CDH13: variants seen among roughly 807,000 people sequenced by gnomAD.
CDH13 encodes cadherin-13.
CDH13 carries 24 observed loss-of-function variants against 63.8 expected under a neutral mutation model. That is an observed-to-expected ratio of 0.38 (90% CI 0.27 to 0.53). The LOEUF is 0.53. Among genes scored for constraint, CDH13 ranks in the 20% least tolerant of loss-of-function variants. The pLI, the probability that CDH13 is intolerant of heterozygous loss-of-function variation, is 0.85. For synonymous variants in CDH13, 503 were observed against 355.3 expected, an observed-to-expected ratio of 1.42 and a Z score of -4.67; for missense variants, 1,049 against 903.1, an observed-to-expected ratio of 1.16 and a Z score of -2.07.
At chr16:82,761,685 T>G (rs2151084730) in intron 1 of CDH13, among the ~76,000 whole-genome samples, 1 of 152,348 alleles carries the variant, frequency 6.6e-6, no homozygotes, top group South Asian at 2.1e-4. Context: ...GTTTCATATC[T>G]CAACAACTTC....
At chr16:83,294,857 AT>A (rs760049620) in intron 5 of CDH13, among the ~76,000 whole-genome samples, 33 of 152,154 alleles carry the variant, frequency 2.2e-4, no homozygotes, top group Non-Finnish European at 4.1e-4. Flanking sequence ...CAATGACATT[AT>A]TCACAGAACT....
At chr16:83,028,351 G>A (rs79764367) in intron 2 of CDH13, among the ~76,000 whole-genome samples, 7,243 of 152,292 alleles carry the variant, frequency 0.048, 240 homozygotes, top group Middle Eastern at 0.071. Flanking sequence ...GAACCGCAGG[G>A]TCCTGAGAGT....
At chr16:82,766,785 T>C (rs2035071148) in intron 1 of CDH13, among the ~76,000 whole-genome samples, 1 of 152,216 alleles carries the variant, frequency 6.6e-6, no homozygotes, top group Non-Finnish European at 1.5e-5. Context: ...TGAGATGTCC[T>C]TTGACTATAT....
chr16:83,215,667 C>A (rs926695616), intron 4 of CDH13, among the ~76,000 whole-genome samples: 1 of 151,810 alleles, frequency 6.6e-6, no homozygotes, highest in African/African-American at 2.4e-5. Flanking sequence ...AGGGGGCGGG[C>A]AGGACCCATT....
chr16:83,217,388 C>T lies in CDH13; in HGVS notation c.527C>T (p.Thr176Ile), dbSNP rs2039567927. ...DRPERSKFRL[T>I]GKGVDQEPKG... ...CCAGAAAGGTCCAAGTTCCGGCTCA[C>T]TGGAAAGGGAGTGGATCAAGAGCCT... Residue 176 changes from threonine to isoleucine, a missense_variant, in exon 5 of 14, where the codon ACT becomes ATT. Thr to Ile is a moderately conservative substitution (Grantham distance 89). Transcript: ENST00000567109. 1 of 1,613,776 alleles carries T rather than the reference C, an allele frequency of 6.2e-7. No homozygotes were observed. The highest frequency in any genetic ancestry group is 1.3e-5 in the African/African-American group (1 of 74,902).
intron 1 of CDH13, among the ~76,000 whole-genome samples, chr16:82,633,030 G>A (rs1015452895): frequency 2.0e-5 from 3 of 152,186 alleles, no homozygotes; most frequent in Admixed American, 2.0e-4. Context: ...AGGCGGTAAT[G>A]CGAGTGCTGG....
intron 6 of CDH13, among the ~76,000 whole-genome samples, chr16:83,409,774 G>T (rs1371034959): frequency 1.3e-5 from 2 of 152,312 alleles, no homozygotes; most frequent in Non-Finnish European, 1.5e-5. Flanking sequence ...TACAATCCAT[G>T]ATGTGCCATT....
At chr16:83,287,023 T>C (rs1434824996) in intron 5 of CDH13, among the ~76,000 whole-genome samples, 1 of 151,594 alleles carries the variant, frequency 6.6e-6, no homozygotes, top group Non-Finnish European at 1.5e-5. Context: ...AAGATAATGT[T>C]CATCTTTTTT....
chr16:83,321,782 C>T (rs1460845012), intron 5 of CDH13, among the ~76,000 whole-genome samples: 7 of 152,156 alleles, frequency 4.6e-5, no homozygotes, highest in African/African-American at 1.7e-4. Flanking sequence ...CCTGCCTCAG[C>T]CTCCCAAAGT....
chr16:83,089,002 A>G (rs2033755536), intron 3 of CDH13, among the ~76,000 whole-genome samples: 2 of 152,218 alleles, frequency 1.3e-5, no homozygotes, highest in Admixed American at 6.5e-5. Context: ...TTGCAATACA[A>G]ACAGTGTGGA....
intron 1 of CDH13, among the ~76,000 whole-genome samples, chr16:82,670,445 C>G (rs1236621194): frequency 1.3e-5 from 2 of 152,200 alleles, no homozygotes; most frequent in Non-Finnish European, 2.9e-5. Context: ...AAATCAAAAG[C>G]TACAGCAATT....
intron 5 of CDH13, among the ~76,000 whole-genome samples, chr16:83,231,153 A>G (rs1419635365): frequency 6.6e-6 from 1 of 152,086 alleles, no homozygotes; most frequent in East Asian, 1.9e-4. Context: ...TCACGGCCCC[A>G]TTTTTGTAAT....
At chr16:82,898,988 A>G (rs2041365346) in intron 2 of CDH13, among the ~76,000 whole-genome samples, 1 of 152,266 alleles carries the variant, frequency 6.6e-6, no homozygotes, top group African/African-American at 2.4e-5. Flanking sequence ...CAGCTGAGGT[A>G]ATTCCCAAGA....
chr16:82,957,614 A>G (rs1906315773), intron 2 of CDH13, among the ~76,000 whole-genome samples: 2 of 152,348 alleles, frequency 1.3e-5, no homozygotes, highest in South Asian at 4.1e-4. Flanking sequence ...GCAGGGCAGT[A>G]TACTTTAGTG....
chr16:83,017,877 C>T (rs7203552), intron 2 of CDH13, among the ~76,000 whole-genome samples: 16,038 of 152,154 alleles, frequency 0.11, 984 homozygotes, highest in African/African-American at 0.17. Flanking sequence ...GCAGCTGGGT[C>T]ATAAACCAAA....
At chr16:82,823,165 G>C (rs550531219) in intron 1 of CDH13, 1 of 152,312 alleles carries the variant, frequency 6.6e-6, no homozygotes, top group South Asian at 2.1e-4. Context: ...CTTAGTGTCA[G>C]AAGGCACACA....
At chr16:83,414,581 C>T (rs768538719) in intron 6 of CDH13, among the ~76,000 whole-genome samples, 5 of 151,648 alleles carry the variant, frequency 3.3e-5, no homozygotes, top group Non-Finnish European at 5.9e-5. Context: ...AGTTTTCCCT[C>T]CCCCTAGACC....
At chr16:83,070,473 T>C (rs2032348715) in intron 3 of CDH13, among the ~76,000 whole-genome samples, 1 of 152,200 alleles carries the variant, frequency 6.6e-6, no homozygotes, top group African/African-American at 2.4e-5. Context: ...GAAATGAGTG[T>C]TTTACTGTTG....
chr16:83,210,044 A>G (rs533756229), intron 4 of CDH13, among the ~76,000 whole-genome samples: 1 of 150,916 alleles, frequency 6.6e-6, no homozygotes, highest in African/African-American at 2.4e-5. Flanking sequence ...AGAGGGAGCC[A>G]TTGCAAGTTT....
Sources: gnomAD v4.1 joint callset for allele counts (sites outside exome capture counted in the v4.1 genomes callset) on GRCh38, gnomAD v4.1.1 for gene constraint, MANE v1.5 for transcripts, NCBI Gene and HGNC (gene_info 2026-07-23, HGNC 2026-07-21) for gene names.